Variants in UGT1A10 observed in about 807,000 individuals in gnomAD.
UGT1A10 encodes the protein UDP-glucuronosyltransferase 1A10.
Under a neutral mutation model 45.8 loss-of-function variants are expected in UGT1A10, and 49 were observed. The observed-to-expected ratio is 1.07, with a 90% CI of 0.85 to 1.36. UGT1A10 has a LOEUF of 1.36. Ranked by LOEUF, UGT1A10 falls within the 40% of genes most tolerant of loss-of-function variation. The pLI is 0.00. For synonymous variants in UGT1A10, 284 were observed against 249.7 expected, an observed-to-expected ratio of 1.14 and a Z score of -1.29; for missense variants, 745 against 668.6, an observed-to-expected ratio of 1.11 and a Z score of -1.26.
At chr2:233,719,829 G>A (rs899051575) in intron 1 of UGT1A10, 67 of 1,549,978 alleles carry the variant, frequency 4.3e-5, no homozygotes, top group Admixed American at 9.6e-5. Flanking sequence ...ACTGTTGAGG[G>A]GCCTAGTGTA....
chr2:233,722,017 A>G (rs2125685673), intron 1 of UGT1A10: 1 of 254,974 alleles, frequency 3.9e-6, no homozygotes, highest in Non-Finnish European at 7.8e-6. Context: ...AGGAAAACTG[A>G]AACCTCTTGA....
intron 1 of UGT1A10, chr2:233,682,176 C>G (rs367893933): frequency 1.3e-5 from 21 of 1,614,122 alleles, no homozygotes; most frequent in Admixed American, 1.7e-5. Context: ...TACTCAACCT[C>G]ATACACTCTG....
At chr2:233,713,902 A>G in intron 1 of UGT1A10, 1 of 1,612,946 alleles carries the variant, frequency 6.2e-7, no homozygotes, top group South Asian at 1.1e-5. Flanking sequence ...CAGGCAAAAC[A>G]CTTTTTAAAA....
intron 1 of UGT1A10, chr2:233,648,799 C>T: frequency 1.1e-6 from 1 of 930,530 alleles, no homozygotes; most frequent in East Asian, 3.8e-5. Context: ...AGTAAGGAAC[C>T]ACATCTTCTA....
intron 1 of UGT1A10, chr2:233,719,666 C>A (rs766884257): frequency 1.7e-5 from 27 of 1,614,092 alleles, no homozygotes; most frequent in Non-Finnish European, 2.2e-5. Flanking sequence ...TCAACTGTGC[C>A]AACGGGAAGC....
chr2:233,742,425 T>G (rs62191917), intron 1 of UGT1A10, among the ~76,000 whole-genome samples: 10,459 of 152,056 alleles, frequency 0.069, 566 homozygotes, highest in East Asian at 0.2. Context: ...CTTAAGCGGT[T>G]TTCCTCCCTG....
intron 1 of UGT1A10, chr2:233,743,054 C>T (rs1031836290): frequency 1.9e-5 from 6 of 321,426 alleles, no homozygotes; most frequent in South Asian, 8.2e-5. Context: ...GTAGTCCCAA[C>T]GATAAGAACA....
intron 1 of UGT1A10, among the ~76,000 whole-genome samples, chr2:233,748,368 T>C (rs76077604): frequency 0.034 from 5,139 of 151,930 alleles, 164 homozygotes; most frequent in African/African-American, 0.052. Context: ...ATCTTCATGG[T>C]TGTGCATGTC....
Position 233,745,045 on chromosome 2 carries a change from G to C in UGT1A10, c.856-21989G>C, listed in dbSNP as rs1692994086. Among the ~76,000 whole-genome samples the C allele has an allele frequency of 2.0e-5, 3 of 151,744 alleles. No homozygotes were observed. In the South Asian group the frequency reaches 6.2e-4, roughly 32 times the overall value. ...ATGTAAATAGTTGTTTTACAGTATT[G>C]GTTTTTTATTTGTATTATTTGTATT... On this transcript the variant is annotated intron_variant, in intron 1 of 4. Coordinates refer to ENST00000344644, the MANE Select transcript of UGT1A10 (RefSeq NM_019075.4).
chr2:233,725,053 GGC>G (rs1559369994), intron 1 of UGT1A10, among the ~76,000 whole-genome samples: 2 of 147,608 alleles, frequency 1.4e-5, no homozygotes, highest in African/African-American at 5.1e-5. Flanking sequence ...CAGGCGTGGC[GGC>G]GCGCGCCTGC....
rs934551202 is a variant in UGT1A10 at position 233,699,876 on chromosome 2, G to A, written c.855+62499G>A. On this transcript the variant is annotated intron_variant, in intron 1 of 4. Coordinates refer to ENST00000344644, the MANE Select transcript of UGT1A10 (RefSeq NM_019075.4). ...AGATATGTCTGAAGACATTTTTGGT[G>A]TTGCAATTGGAGAGGCGAAATAGTC... is the stretch of plus-strand genomic sequence containing the variant. Among the ~76,000 whole-genome samples, 57 of 152,266 alleles carry A rather than the reference G, an allele frequency of 3.7e-4. 1 individual carries two copies. The highest frequency in any genetic ancestry group is 3.9e-4 in the East Asian group (2 of 5,188).
chr2:233,684,179 T>C (rs564811964), intron 1 of UGT1A10, among the ~76,000 whole-genome samples: 4 of 152,296 alleles, frequency 2.6e-5, no homozygotes, highest in African/African-American at 4.8e-5. Flanking sequence ...GGCAGATGTT[T>C]GGTGAAAGAG....
chr2:233,716,945 C>G (rs1559362074), intron 1 of UGT1A10, among the ~76,000 whole-genome samples: 1 of 152,182 alleles, frequency 6.6e-6, no homozygotes, highest in Non-Finnish European at 1.5e-5. Context: ...TCCTATTTCC[C>G]AGGCACCAGG....
rs1410952915 is a variant in UGT1A10 at position 233,638,320 on chromosome 2, A to G, written c.855+943A>G. On this transcript the variant is annotated intron_variant, in intron 1 of 4. Coordinates refer to ENST00000344644, the MANE Select transcript of UGT1A10 (RefSeq NM_019075.4). ...TGTACAGGGCAATGTTTCCATTTCTACATTTAACTGATTACTGGTAATTAA... is the reference window on the plus strand; with the variant it reads ...TGTACAGGGCAATGTTTCCATTTCTGCATTTAACTGATTACTGGTAATTAA... 2.6e-5 allele frequency among the ~76,000 whole-genome samples: 4 copies of G among 152,298 alleles called. No homozygotes were observed. The South Asian group carries it at 6.2e-4, about 24-fold the overall frequency.
At chr2:233,649,900 T>G (rs1650868384) in intron 1 of UGT1A10, among the ~76,000 whole-genome samples, 1 of 152,156 alleles carries the variant, frequency 6.6e-6, no homozygotes, top group African/African-American at 2.4e-5. Flanking sequence ...TGCTTTGTCT[T>G]CATTATCATA....
At chr2:233,740,949 T>G (rs1205876096) in intron 1 of UGT1A10, 9 of 151,554 alleles carry the variant, frequency 5.9e-5, no homozygotes, top group Non-Finnish European at 1.0e-4. Context: ...ATTAGCTAGG[T>G]GTGGTAGCAT....
rs760289864 is a variant in UGT1A10 at position 233,772,449 on chromosome 2, G to A, written c.1483G>A (p.Val495Ile). 8 of 1,614,068 alleles carry A rather than the reference G, an allele frequency of 5.0e-6. No homozygotes were observed. Among genetic ancestry groups the A allele is most frequent in the Middle Eastern group, 1.6e-4 (1 of 6,084 alleles). Residue 495 changes from valine (V) to isoleucine (I), a missense_variant, in exon 5 of 5, where the codon GTC becomes ATC. Physicochemically the swap from Val to Ile is conservative, Grantham distance 29 (BLOSUM62 3). Transcript: ENST00000344644. ...GGACGTGATTGGTTTCCTCTTGGCCGTCGTGCTGACAGTGGCCTTCATCAC... is the reference window on the plus strand; with the variant it reads ...GGACGTGATTGGTTTCCTCTTGGCCATCGTGCTGACAGTGGCCTTCATCAC... ...SLDVIGFLLA[V>I]VLTVAFITFK...
intron 1 of UGT1A10, among the ~76,000 whole-genome samples, chr2:233,699,498 C>T (rs899655583): frequency 6.6e-6 from 1 of 152,166 alleles, no homozygotes; most frequent in South Asian, 2.1e-4. Flanking sequence ...ACTTGTAATA[C>T]AAAGAACTGT....
intron 1 of UGT1A10, among the ~76,000 whole-genome samples, chr2:233,695,436 T>C (rs368139709): frequency 6.7e-6 from 1 of 148,582 alleles, no homozygotes; most frequent in African/African-American, 2.5e-5. Flanking sequence ...CTTCTTCTTC[T>C]TTTTTTTTTG....
Sources: allele counts gnomAD v4.1 joint callset (sites outside exome capture counted in the v4.1 genomes callset), GRCh38; gene constraint gnomAD v4.1.1; transcripts MANE v1.5; gene names NCBI Gene and HGNC (gene_info 2026-07-23, HGNC 2026-07-21).